GULP1: variants seen among roughly 807,000 people sequenced by gnomAD.
GULP1 encodes PTB domain-containing engulfment adapter protein 1.
A neutral mutation model predicts 40.9 loss-of-function variants in GULP1; 19 were observed. The ratio of observed to expected loss-of-function variants is 0.46; its 90% CI spans 0.32 to 0.68. The LOEUF is 0.68. Among genes scored for constraint, GULP1 ranks in the 30% least tolerant of loss-of-function variants. The probability of loss-of-function intolerance (pLI) is 0.03; values close to 1 mark genes in which losing one functional copy is unlikely to be tolerated. For synonymous variants in GULP1, 119 were observed against 117.6 expected (o/e 1.01, Z -0.08); for missense variants, 312 against 362.2 (o/e 0.86, Z 1.12).
intron 9 of GULP1, among the ~76,000 whole-genome samples, chr2:188,579,651 C>T (rs998987797): frequency 1.4e-4 from 22 of 152,100 alleles, no homozygotes; most frequent in Non-Finnish European, 2.5e-4. Context: ...ACTCTAGTAC[C>T]AAAACAGTTG....
intron 7 of GULP1, among the ~76,000 whole-genome samples, chr2:188,550,152 T>C (rs934906727): frequency 1.1e-4 from 17 of 151,712 alleles, no homozygotes; most frequent in African/African-American, 3.9e-4. Flanking sequence ...AAATCTAAAT[T>C]ATCTGAAAAT....
chr2:188,402,938 G>A (rs1190452844), intron 2 of GULP1, among the ~76,000 whole-genome samples: 1 of 152,076 alleles, frequency 6.6e-6, no homozygotes, highest in Non-Finnish European at 1.5e-5. Context: ...TGTACAAAAA[G>A]GGAAAGTAAA....
chr2:188,534,611 C>CTGAA lies in GULP1; in HGVS notation c.261+5417_261+5420dup, dbSNP rs554435272. Among the ~76,000 whole-genome samples the CTGAA allele has an allele frequency of 1.8e-4, 28 of 152,136 alleles. No individual in the cohort carries two copies. In the South Asian group the frequency reaches 4.6e-3, roughly 25 times the overall value. ...CATGCAGTATACCCTGGTAACAAAC[C>CTGAA]TGAACATGCACCCCCTGAATCTAAA... On this transcript the variant is annotated intron_variant, in intron 6 of 11. Transcript: ENST00000409830.
chr2:188,367,802 A>G (rs1345312949), intron 1 of GULP1, among the ~76,000 whole-genome samples: 1 of 152,138 alleles, frequency 6.6e-6, no homozygotes, highest in African/African-American at 2.4e-5. Flanking sequence ...GCAACCTGTC[A>G]GAAGAGTGAT....
intron 2 of GULP1, among the ~76,000 whole-genome samples, chr2:188,426,380 G>GGTA (rs1266842193): frequency 6.6e-6 from 1 of 152,020 alleles, no homozygotes; most frequent in African/African-American, 2.4e-5. Flanking sequence ...GAGAATAGAT[G>GGTA]GTAAGCCTTT....
At chr2:188,519,811 C>G (rs2065552680) in intron 4 of GULP1, among the ~76,000 whole-genome samples, 1 of 151,954 alleles carries the variant, frequency 6.6e-6, no homozygotes, top group Non-Finnish European at 1.5e-5. Flanking sequence ...ATGATTCTTT[C>G]TCTTTTTTTT....
intron 8 of GULP1, 64 bp from the exon 9 acceptor site, chr2:188,569,964 C>A: frequency 1.5e-6 from 1 of 675,138 alleles, no homozygotes; most frequent in South Asian, 1.8e-5. Context: ...CTACTCATAA[C>A]TGTAGCCAAT....
chr2:188,354,988 T>C (rs926613255), intron 1 of GULP1, among the ~76,000 whole-genome samples: 2 of 148,682 alleles, frequency 1.3e-5, no homozygotes, highest in African/African-American at 4.9e-5. Flanking sequence ...AAAATGTTTC[T>C]GGAAACAAAT....
intron 10 of GULP1, among the ~76,000 whole-genome samples, chr2:188,585,884 T>C (rs1576306795): frequency 6.6e-6 from 1 of 152,204 alleles, no homozygotes; most frequent in Non-Finnish European, 1.5e-5. Context: ...AGAAAATGGG[T>C]TTTCTTTTTC....
intron 1 of GULP1, among the ~76,000 whole-genome samples, chr2:188,342,756 A>T (rs2043137612): frequency 6.6e-6 from 1 of 152,114 alleles, no homozygotes; most frequent in African/African-American, 2.4e-5. Context: ...TTAGACTTAA[A>T]TCTCATTTTC....
intron 2 of GULP1, among the ~76,000 whole-genome samples, chr2:188,417,079 A>C (rs1429267659): frequency 6.6e-5 from 10 of 152,196 alleles, no homozygotes; most frequent in Admixed American, 6.5e-4. Context: ...GCATCAAAAT[A>C]TATTTAACCT....
In GULP1 at chr2:188,584,336, C is replaced by G. The variant is rs751559772; in HGVS notation, c.681C>G (p.His227Gln). The G allele has an allele frequency of 1.9e-6, 3 of 1,603,332 alleles. No homozygotes were observed. In the African/African-American group the frequency reaches 4.0e-5, roughly 21 times the overall value. ...TGATTCCATTTTCTCCAATATCACA[C>G]CAGTCTTCGATGCCTACTCGCAATG... Reference protein sequence around the residue: ...FDMIPFSPISHQSSMPTRNGT... With the variant: ...FDMIPFSPISQQSSMPTRNGT... The change falls in exon 10 of 12, where the codon CAC becomes CAG. Residue 227 changes from histidine to glutamine, a missense_variant. His to Gln is a conservative substitution (Grantham distance 24). Coordinates refer to ENST00000409830, the MANE Select transcript of GULP1 (RefSeq NM_016315.4).
chr2:188,388,522 G>T (rs537269243), intron 2 of GULP1, among the ~76,000 whole-genome samples: 2 of 152,036 alleles, frequency 1.3e-5, no homozygotes, highest in South Asian at 2.1e-4. Flanking sequence ...CAGCCTGGGT[G>T]ACAGACCAAA....
intron 9 of GULP1, among the ~76,000 whole-genome samples, chr2:188,582,879 T>C (rs376954335): frequency 3.9e-4 from 59 of 152,190 alleles, no homozygotes; most frequent in African/African-American, 1.3e-3. Context: ...CAAATCTAGA[T>C]TGATAAGAGT....
At chr2:188,377,158 C>G (rs376515539) in intron 1 of GULP1, among the ~76,000 whole-genome samples, 2 of 149,162 alleles carry the variant, frequency 1.3e-5, no homozygotes, top group African/African-American at 5.0e-5. Context: ...GGCAACAGAG[C>G]GAGACTCCAT....
chr2:188,466,298 C>G (rs1023786881), intron 2 of GULP1, among the ~76,000 whole-genome samples: 7 of 151,436 alleles, frequency 4.6e-5, no homozygotes, highest in Non-Finnish European at 1.0e-4. Flanking sequence ...TTTTTCCCCC[C>G]CCGGAGTCTT....
At chr2:188,542,704 A>G (rs1174355423) in intron 7 of GULP1, among the ~76,000 whole-genome samples, 1 of 152,148 alleles carries the variant, frequency 6.6e-6, no homozygotes, top group Non-Finnish European at 1.5e-5. Context: ...TTGATTTTGA[A>G]TTTTATTTTA....
At chr2:188,418,952 A>G (rs140210291) in intron 2 of GULP1, among the ~76,000 whole-genome samples, 69 of 152,340 alleles carry the variant, frequency 4.5e-4, no homozygotes, top group African/African-American at 1.6e-3. Flanking sequence ...TTGTTAATAC[A>G]TACCTAAGTG....
At chr2:188,549,099 G>T (rs1439649568) in intron 7 of GULP1, among the ~76,000 whole-genome samples, 1 of 151,838 alleles carries the variant, frequency 6.6e-6, no homozygotes, top group Non-Finnish European at 1.5e-5. Flanking sequence ...GGGGGAAAAT[G>T]ATATACTGAA....
Sources: gnomAD v4.1 joint callset for allele counts (sites outside exome capture counted in the v4.1 genomes callset) on GRCh38, gnomAD v4.1.1 for gene constraint, MANE v1.5 for transcripts, NCBI Gene and HGNC (gene_info 2026-07-23, HGNC 2026-07-21) for gene names.